HMGXB4: variants seen among roughly 807,000 people sequenced by gnomAD.
HMGXB4 encodes HMG domain-containing protein 4.
A neutral mutation model predicts 63.9 loss-of-function variants in HMGXB4; 27 were observed. The observed-to-expected ratio is 0.42, with a 90% CI of 0.31 to 0.58. The LOEUF (loss-of-function observed/expected upper bound fraction) is 0.58, where lower values mean the gene tolerates loss of function less well. Among genes scored for constraint, HMGXB4 ranks in the 20% least tolerant of loss-of-function variants. HMGXB4 has a pLI of 0.13. For missense variants in HMGXB4, 624 were observed against 700.7 expected (o/e 0.89, Z 1.24); for synonymous variants, 264 against 265.3 (o/e 0.99, Z 0.05).
At position 35,262,433 on chromosome 22, in the gene HMGXB4, T is replaced by A; in HGVS notation, c.31+12T>A. 1 of 1,612,974 alleles carries A rather than the reference T, an allele frequency of 6.2e-7. No individual in the cohort carries two copies. Among genetic ancestry groups the A allele is most frequent in the Non-Finnish European group, 8.5e-7 (1 of 1,178,940 alleles). On this transcript the variant is annotated intron_variant, in intron 2 of 10. Coordinates refer to ENST00000216106, the MANE Select transcript of HMGXB4 (RefSeq NM_001003681.3). ...CGTGAAGAAAGAAGGTATGACCCCATAATCTGAGAAGCATTCCAAAGGGGG... is the reference window on the plus strand; with the variant it reads ...CGTGAAGAAAGAAGGTATGACCCCAAAATCTGAGAAGCATTCCAAAGGGGG...
In HMGXB4 at chr22:35,265,500, C is replaced by G. The variant is rs201799099; in HGVS notation, c.1112C>G (p.Ala371Gly). 6.2e-7 allele frequency: 1 copy of G among 1,613,640 alleles called. No homozygotes were observed. Among genetic ancestry groups the G allele is most frequent in the Non-Finnish European group, 8.5e-7 (1 of 1,179,968 alleles). ...CCTCCCAGCATCCCATACGCTGGAG[C>G]AGCAGCACCTCCCCTGCCACTTCCT... ...GPPPSIPYAG[A>G]AAPPLPLPGL... Residue 371 changes from alanine to glycine, a missense_variant, in exon 5 of 11, where the codon GCA becomes GGA. Ala to Gly is a moderately conservative substitution (Grantham distance 60). Transcript: ENST00000216106.
the HMGXB4 span, among the ~76,000 whole-genome samples, chr22:35,245,329 A>T: frequency 6.1e-3 from 722 of 119,322 alleles, 1 homozygote; most frequent in Middle Eastern, 8.4e-3. Context: ...GAAACTTTCT[A>T]TTTTTTTTTT....
At position 35,294,545 on chromosome 22, in the gene HMGXB4, C is replaced by T. The variant is rs915326604; in HGVS notation, c.*894C>T. 1.3e-5 allele frequency: 2 copies of T among 152,536 alleles called. No homozygotes were observed. The highest frequency in any genetic ancestry group is 4.8e-5 in the African/African-American group (2 of 41,408). 9.4% of individuals were successfully genotyped at this position (152,536 alleles called of 1,614,324 possible). ...TTTTTGGGTTCATCTTATCAGTTCC[C>T]CTGGTGGGCAGATACACAGTGTTCT... On this transcript the variant is annotated 3_prime_UTR_variant, in exon 11 of 11. Coordinates refer to ENST00000216106, the MANE Select transcript of HMGXB4 (RefSeq NM_001003681.3).
At chr22:35,274,849 A>G (rs1383788163) in intron 5 of HMGXB4, among the ~76,000 whole-genome samples, 1 of 152,184 alleles carries the variant, frequency 6.6e-6, no homozygotes, top group Non-Finnish European at 1.5e-5. Flanking sequence ...GCCAGATCAG[A>G]TTTGGGGATC....
At chr22:35,242,774 C>T in the HMGXB4 span, among the ~76,000 whole-genome samples, 306 of 152,154 alleles carry the variant, frequency 2.0e-3, no homozygotes, top group Non-Finnish European at 3.5e-3. Context: ...ATTTCCCTCT[C>T]GGCCCGCCTT....
Position 35,289,266 on chromosome 22 carries a change from C to T in HMGXB4, c.1638+859C>T, listed in dbSNP as rs567310121. On this transcript the variant is annotated intron_variant, in intron 9 of 10. Coordinates refer to ENST00000216106, the MANE Select transcript of HMGXB4 (RefSeq NM_001003681.3). ...TTGAGGCCAGGAGTTGGAGAGCAGCCTGGGCAACATAGCGAGACCCCATTT... is the reference window on the plus strand; with the variant it reads ...TTGAGGCCAGGAGTTGGAGAGCAGCTTGGGCAACATAGCGAGACCCCATTT... Among the ~76,000 whole-genome samples the T allele has an allele frequency of 1.6e-4, 25 of 152,080 alleles. No homozygotes were observed. In the South Asian group the frequency reaches 4.8e-3, roughly 29 times the overall value.
chr22:35,260,554 A>T (rs1384648032), intron 1 of HMGXB4, among the ~76,000 whole-genome samples: 2 of 152,202 alleles, frequency 1.3e-5, no homozygotes, highest in Non-Finnish European at 2.9e-5. Flanking sequence ...TCACATTTTT[A>T]TCTGAGGCCT....
chr22:35,283,800 T>A (rs1252449444), intron 5 of HMGXB4, among the ~76,000 whole-genome samples, 162 bp from the exon 6 acceptor site: 4 of 151,350 alleles, frequency 2.6e-5, no homozygotes, highest in African/African-American at 9.7e-5. Flanking sequence ...AAAAAATATA[T>A]ATATATATAT....
rs1462650365 is a variant in HMGXB4, at chr22:35,263,185, A to T, written c.139A>T (p.Ile47Phe). The change falls in exon 3 of 11, where the codon ATT becomes TTT. Residue 47 changes from isoleucine (I) to phenylalanine (F), a missense_variant. By Grantham distance (21) the Ile-to-Phe change is conservative (BLOSUM62 0). Around this residue, in one of 2 missense-constraint regions of HMGXB4, gnomAD observed 472 missense variants for 470.6 expected, o/e 1.00. Transcript: ENST00000216106. ...AGATTTTTTAAGGGAAGAGGAAGAA[A>T]TTGCTGCTCAGGTCAGGAATTCTTC... ...YKDFLREEEE[I>F]AAQVRNSSKK... 6.2e-7 allele frequency: 1 copy of T among 1,614,090 alleles called. No individual in the cohort carries two copies. The highest frequency in any genetic ancestry group is 2.2e-5 in the East Asian group (1 of 44,886).
intron 1 of HMGXB4, among the ~76,000 whole-genome samples, 156 bp downstream of exon 1, chr22:35,257,713 C>T (rs1922519800): frequency 6.6e-6 from 1 of 152,210 alleles, no homozygotes; most frequent in Non-Finnish European, 1.5e-5. Flanking sequence ...GAGCCGGGGA[C>T]TGGAGTAGCG....
At chr22:35,280,731 C>T (rs1004038957) in intron 5 of HMGXB4, among the ~76,000 whole-genome samples, 4 of 152,208 alleles carry the variant, frequency 2.6e-5, no homozygotes, top group African/African-American at 9.7e-5. Flanking sequence ...GCTCTGCCTG[C>T]CTTTCTAACA....
At chr22:35,257,731 C>T (rs1416299414) in intron 1 of HMGXB4, among the ~76,000 whole-genome samples, 174 bp downstream of exon 1, 1 of 152,190 alleles carries the variant, frequency 6.6e-6, no homozygotes, top group Non-Finnish European at 1.5e-5. Flanking sequence ...GCGGCCGCAG[C>T]CGCCCCCAGG....
intron 5 of HMGXB4, among the ~76,000 whole-genome samples, chr22:35,267,297 G>T (rs1023951726): frequency 1.3e-5 from 2 of 151,984 alleles, no homozygotes; most frequent in African/African-American, 4.8e-5. Context: ...GTTTTATTCA[G>T]TTGTTTATTT....
At chr22:35,270,647 G>A (rs1424568349) in intron 5 of HMGXB4, among the ~76,000 whole-genome samples, 1 of 152,206 alleles carries the variant, frequency 6.6e-6, no homozygotes, top group African/African-American at 2.4e-5. Flanking sequence ...CTTCAGCTTT[G>A]AACCTAGATA....
intron 5 of HMGXB4, among the ~76,000 whole-genome samples, chr22:35,269,532 C>T (rs1421979292): frequency 1.3e-5 from 2 of 152,212 alleles, no homozygotes; most frequent in East Asian, 1.9e-4. Flanking sequence ...AAGTATATGT[C>T]GAATGAATAT....
chr22:35,260,521 G>A (rs1475740487), intron 1 of HMGXB4, among the ~76,000 whole-genome samples: 2 of 152,188 alleles, frequency 1.3e-5, no homozygotes, highest in Middle Eastern at 3.2e-3. Context: ...TGGAAAACTG[G>A]CTACATTATG....
chr22:35,265,640 T>A (rs1275298137), intron 5 of HMGXB4, 37 bp downstream of exon 5: 2 of 1,486,680 alleles, frequency 1.3e-6, no homozygotes, highest in African/African-American at 2.8e-5. Flanking sequence ...GGTAAGAGAT[T>A]AAGCAGGTTC....
At position 35,257,874 on chromosome 22, in the gene HMGXB4, GC is replaced by G. The variant is rs1220422318; in HGVS notation, c.-69+320del. On this transcript the variant is annotated intron_variant, in intron 1 of 10. Coordinates refer to ENST00000216106, the MANE Select transcript of HMGXB4 (RefSeq NM_001003681.3). ...GCGGACCCGGGCCGCCCCTCCCCCT[GC>G]CCGGGCCGTCTCCGCCCTCGGGGGC... 7.9e-5 allele frequency among the ~76,000 whole-genome samples: 12 copies of G among 151,986 alleles called. No individual in the cohort carries two copies. In the East Asian group the frequency reaches 2.1e-3, roughly 27 times the overall value.
At chr22:35,251,332 C>G in the HMGXB4 span, among the ~76,000 whole-genome samples, 1 of 152,182 alleles carries the variant, frequency 6.6e-6, no homozygotes, top group African/African-American at 2.4e-5. Flanking sequence ...GCCTCAGCCT[C>G]CCAAAGTGCT....
Sources: allele counts gnomAD v4.1 joint callset (sites outside exome capture counted in the v4.1 genomes callset), GRCh38; gene constraint gnomAD v4.1.1; regional missense constraint gnomAD v4.1.1; transcripts MANE v1.5; gene names NCBI Gene and HGNC (gene_info 2026-07-23, HGNC 2026-07-21).